Variants in NTRK3 observed in about 807,000 individuals in gnomAD.
The protein encoded by NTRK3 is neurotrophic receptor tyrosine kinase 3.
A neutral mutation model predicts 91.7 loss-of-function variants in NTRK3; 24 were observed. The ratio of observed to expected loss-of-function variants is 0.26; its 90% CI spans 0.19 to 0.37. The LOEUF is 0.37. NTRK3 is among the 10% of genes least tolerant of loss of function. The probability of loss-of-function intolerance (pLI) is 1.00; values close to 1 mark genes in which losing one functional copy is unlikely to be tolerated. For synonymous variants in NTRK3, 483 were observed against 404.0 expected (o/e 1.20, Z -2.34); for missense variants, 880 against 1,068.9 (o/e 0.82, Z 2.46).
At chr15:88,005,946 T>C (rs1281332411) in intron 14 of NTRK3, among the ~76,000 whole-genome samples, 1 of 152,166 alleles carries the variant, frequency 6.6e-6, no homozygotes, top group Non-Finnish European at 1.5e-5. Context: ...GGATCTCTCA[T>C]CCCCTCAAAT....
At chr15:87,997,511 T>C (rs1453743657) in intron 14 of NTRK3, among the ~76,000 whole-genome samples, 1 of 152,122 alleles carries the variant, frequency 6.6e-6, no homozygotes, top group African/African-American at 2.4e-5. Flanking sequence ...TGGAGGGAAA[T>C]CTTACCTGCA....
At chr15:87,958,470 G>T (rs182381220) in intron 14 of NTRK3, among the ~76,000 whole-genome samples, 7 of 152,124 alleles carry the variant, frequency 4.6e-5, no homozygotes, top group African/African-American at 1.4e-4. Context: ...TCTTTCACGT[G>T]TAACACAGCC....
In NTRK3 at chr15:88,155,985, A is replaced by G. The variant is rs566775386; in HGVS notation, c.396-8582T>C. Among the ~76,000 whole-genome samples the G allele has an allele frequency of 7.0e-4, 107 of 152,300 alleles. 1 individual carries two copies. Among genetic ancestry groups the G allele is most frequent in the African/African-American group, 2.6e-3 (107 of 41,564 alleles). ...ATGAGTGGCCAAAGGCTACCATATT[A>G]GAAGACACGGCTCTGGACCATCTGA... is the stretch of plus-strand genomic sequence containing the variant. On this transcript the variant is annotated intron_variant, in intron 5 of 18. Transcript: ENST00000394480.
chr15:88,231,468 TACAC>T (rs147875811), intron 3 of NTRK3, among the ~76,000 whole-genome samples: 1 of 149,276 alleles, frequency 6.7e-6, no homozygotes, highest in Non-Finnish European at 1.5e-5. Flanking sequence ...TATATGTAAA[TACAC>T]ACACACACAC....
intron 17 of NTRK3, among the ~76,000 whole-genome samples, chr15:87,917,997 GTT>G (rs5814312): frequency 0.42 from 63,249 of 150,010 alleles, 13,981 homozygotes; most frequent in African/African-American, 0.56. Flanking sequence ...GTTTTTTTGT[GTT>G]TTTTTTTTGT....
intron 3 of NTRK3, among the ~76,000 whole-genome samples, chr15:88,247,628 G>A (rs1224292264): frequency 3.9e-5 from 6 of 152,180 alleles, no homozygotes; most frequent in Non-Finnish European, 1.5e-5. Context: ...TGCCGGGCTG[G>A]AGAGTTCCAT....
intron 3 of NTRK3, among the ~76,000 whole-genome samples, chr15:88,221,590 A>G (rs1371794949): frequency 6.6e-6 from 1 of 152,232 alleles, no homozygotes; most frequent in Non-Finnish European, 1.5e-5. Flanking sequence ...CAGGAGTTTG[A>G]GACCAGCCTG....
chr15:87,868,148 TG>T (rs2064737987), exon 19 of NTRK3: 2 of 231,860 alleles, frequency 8.6e-6, no homozygotes, highest in African/African-American at 4.4e-5. Context: ...CCAGTAGGAT[TG>T]TGGAGGCTTT....
chr15:88,255,843 G>T lies in NTRK3; in HGVS notation c.248+63C>A. Reference sequence around the variant, plus strand: ...GGCGGAGGGCCGGCTCCCGGCCGCGGGTGGGCAGGAGGGAGACGCAGAGCG... The same window carrying T: ...GGCGGAGGGCCGGCTCCCGGCCGCGTGTGGGCAGGAGGGAGACGCAGAGCG... On this transcript the variant is annotated intron_variant, in intron 3 of 18. Transcript: ENST00000394480. This position sits in a 1 kb window ranked among gnomAD's most constrained non-coding sequence, Gnocchi z 4.3. 1.1e-5 allele frequency: 16 copies of T among 1,433,030 alleles called. No individual in the cohort carries two copies. The highest frequency in any genetic ancestry group is 1.5e-5 in the Non-Finnish European group (16 of 1,075,838). The allele number at this position is 1,433,030 out of a possible 1,614,324, so 88.8% of individuals were successfully genotyped here.
chr15:88,080,373 T>C (rs1316157692), intron 13 of NTRK3, among the ~76,000 whole-genome samples: 3 of 152,204 alleles, frequency 2.0e-5, no homozygotes, highest in African/African-American at 7.2e-5. Context: ...TAAACCATCA[T>C]GTATTATTTT....
At chr15:87,972,318 G>C (rs2073324865) in intron 14 of NTRK3, among the ~76,000 whole-genome samples, 1 of 152,198 alleles carries the variant, frequency 6.6e-6, no homozygotes, top group Admixed American at 6.5e-5. Context: ...ACCAAAGCCA[G>C]GTTTGGTAGT....
chr15:88,219,819 T>C (rs374910802), intron 3 of NTRK3, among the ~76,000 whole-genome samples: 2 of 152,196 alleles, frequency 1.3e-5, no homozygotes, highest in Non-Finnish European at 2.9e-5. Flanking sequence ...TCTCAGCCCA[T>C]GCTCTCTGCA....
intron 3 of NTRK3, among the ~76,000 whole-genome samples, chr15:88,217,611 G>A (rs987460717): frequency 1.3e-5 from 2 of 152,204 alleles, no homozygotes; most frequent in African/African-American, 4.8e-5. Flanking sequence ...AAATGAGGAA[G>A]AGTTGTTGTT....
In NTRK3 at chr15:87,950,738, G is replaced by A. The variant is rs185721669; in HGVS notation, c.1586-9985C>T. Among the ~76,000 whole-genome samples the A allele has an allele frequency of 7.9e-5, 12 of 152,326 alleles. No individual in the cohort carries two copies. In the East Asian group the frequency reaches 2.1e-3, roughly 27 times the overall value. On this transcript the variant is annotated intron_variant, in intron 14 of 18. Coordinates refer to ENST00000394480, the Ensembl canonical transcript of NTRK3. ...GTCGTACATTTGGAGCGTGTCGAAG[G>A]AGCTAATGCCCATAAAAGTTCGGGA...
chr15:87,984,414 G>A (rs1390401745), intron 14 of NTRK3, among the ~76,000 whole-genome samples: 4 of 152,184 alleles, frequency 2.6e-5, no homozygotes, highest in Non-Finnish European at 4.4e-5. Flanking sequence ...TGATTGATTT[G>A]TTCTGTATCT....
chr15:87,931,671 C>A (rs2141940256), intron 16 of NTRK3, among the ~76,000 whole-genome samples: 1 of 152,338 alleles, frequency 6.6e-6, no homozygotes, highest in Admixed American at 6.5e-5. Context: ...GTTTAGAAGG[C>A]TTAGAACATC....
chr15:88,092,382 T>C (rs761603251), intron 13 of NTRK3, among the ~76,000 whole-genome samples: 13 of 152,144 alleles, frequency 8.5e-5, no homozygotes, highest in Admixed American at 2.0e-4. Context: ...TCCTGAAACA[T>C]ACAAGCAACT....
At chr15:88,100,926 T>G (rs1017853773) in intron 13 of NTRK3, among the ~76,000 whole-genome samples, 2 of 152,182 alleles carry the variant, frequency 1.3e-5, no homozygotes, top group African/African-American at 4.8e-5. Flanking sequence ...GAAAAAAACC[T>G]AGGCAATACC....
chr15:88,000,134 G>A (rs2075995938), intron 14 of NTRK3, among the ~76,000 whole-genome samples: 1 of 152,196 alleles, frequency 6.6e-6, no homozygotes. Context: ...TCCAGGAGTG[G>A]AAGTCTGAGG....
Sources: gnomAD v4.1 joint callset for allele counts (sites outside exome capture counted in the v4.1 genomes callset) on GRCh38, gnomAD v4.1.1 for gene constraint, Gnocchi (gnomAD v3.1) non-coding constraint, MANE v1.5 for transcripts, NCBI Gene and HGNC (gene_info 2026-07-23, HGNC 2026-07-21) for gene names.